The following VIPR2 variants were observed in gnomAD, a reference collection of about 807,000 sequenced individuals.
VIPR2 encodes vasoactive intestinal polypeptide receptor 2.
In VIPR2, 48 loss-of-function variants were observed where a neutral mutation model predicts 58.0. The observed-to-expected ratio is 0.83, with a 90% confidence interval of 0.66 to 1.05. VIPR2 has a LOEUF of 1.05. VIPR2 is among the 50% of genes least tolerant of loss of function. The pLI is 0.00. For missense variants in VIPR2, 534 were observed against 558.0 expected, an observed-to-expected ratio of 0.96 and a Z score of 0.43; for synonymous variants, 243 against 235.2, an observed-to-expected ratio of 1.03 and a Z score of -0.30.
At chr7:159,129,078 C>T (rs1288189514) in intron 2 of VIPR2, among the ~76,000 whole-genome samples, 1 of 152,230 alleles carries the variant, frequency 6.6e-6, no homozygotes, top group Non-Finnish European at 1.5e-5. Flanking sequence ...CCCGTCACCA[C>T]CCGCCTGGGG....
At chr7:159,119,471 G>A (rs1222283022) in intron 2 of VIPR2, among the ~76,000 whole-genome samples, 1 of 152,236 alleles carries the variant, frequency 6.6e-6, no homozygotes, top group African/African-American at 2.4e-5. Flanking sequence ...ACCTGTAGGA[G>A]CCCAGACGCA....
Position 159,131,190 on chromosome 7 carries a change from A to G in VIPR2, c.151+11256T>C, listed in dbSNP as rs147883083. Among the ~76,000 whole-genome samples, 1,172 of 152,338 alleles carry G rather than the reference A, an allele frequency of 7.7e-3. 14 individuals carry two copies. The highest frequency in any genetic ancestry group is 0.027 in the Admixed American group (409 of 15,312). On this transcript the variant is annotated intron_variant, in intron 2 of 12. Coordinates refer to ENST00000262178, the MANE Select transcript of VIPR2 (RefSeq NM_003382.5). Reference sequence around the variant, plus strand: ...TCAAACTTCAAAGAATCGACAGACCAGAGAAGAGAAAATGCTGATTTCACA... The same window carrying G: ...TCAAACTTCAAAGAATCGACAGACCGGAGAAGAGAAAATGCTGATTTCACA...
intron 2 of VIPR2, among the ~76,000 whole-genome samples, chr7:159,137,464 T>C (rs1797278211): frequency 6.6e-6 from 1 of 152,188 alleles, no homozygotes; most frequent in Non-Finnish European, 1.5e-5. Flanking sequence ...ACTGCAGCCT[T>C]GAACTGGGCT....
At chr7:159,134,818 C>T (rs533863444) in intron 2 of VIPR2, among the ~76,000 whole-genome samples, 61 of 151,794 alleles carry the variant, frequency 4.0e-4, no homozygotes, top group Middle Eastern at 3.4e-3. Context: ...CCACCACGCC[C>T]GGCTAATTTT....
chr7:159,142,330 TC>T (rs1384386437), intron 2 of VIPR2, 115 bp downstream of exon 2: 5 of 754,088 alleles, frequency 6.6e-6, no homozygotes, highest in Admixed American at 5.1e-5. Context: ...AAGTGGCCTT[TC>T]TTTTTCTTTT....
At chr7:159,123,756 A>G (rs1007662124) in intron 2 of VIPR2, among the ~76,000 whole-genome samples, 2 of 152,102 alleles carry the variant, frequency 1.3e-5, no homozygotes, top group African/African-American at 4.8e-5. Flanking sequence ...GAACTAATTT[A>G]CACTCCCTCC....
At chr7:159,144,700 G>A (rs977519344) in intron 1 of VIPR2, 21 bp downstream of exon 1, 3 of 1,330,014 alleles carry the variant, frequency 2.3e-6, no homozygotes, top group Non-Finnish European at 2.9e-6. Context: ...GCCGTGGGGC[G>A]GGGGTCGCGG....
At chr7:159,123,120 C>A (rs1208506659) in intron 2 of VIPR2, among the ~76,000 whole-genome samples, 3 of 151,876 alleles carry the variant, frequency 2.0e-5, no homozygotes, top group African/African-American at 7.3e-5. Flanking sequence ...TGGTGAAACT[C>A]TGTCTCTGCT....
At chr7:159,141,155 G>A (rs1228548853) in intron 2 of VIPR2, among the ~76,000 whole-genome samples, 3 of 152,164 alleles carry the variant, frequency 2.0e-5, no homozygotes, top group Non-Finnish European at 2.9e-5. Flanking sequence ...TGCTTCTGCC[G>A]TGGCAGACTG....
intron 2 of VIPR2, among the ~76,000 whole-genome samples, chr7:159,135,324 C>T (rs555836179): frequency 4.7e-4 from 72 of 152,000 alleles, no homozygotes; most frequent in Non-Finnish European, 9.0e-4. Flanking sequence ...CCCAGCTACT[C>T]GGGAGGCTGA....
At position 159,095,751 on chromosome 7, in the gene VIPR2, C is replaced by G. The variant is rs993868759; in HGVS notation, c.357+8006G>C. ...CTCCTGTCCAGGCTCCAAATCACAT[C>G]GACATGACAGTTGGTGCCGACCTGA... On this transcript the variant is annotated intron_variant, in intron 4 of 12. Coordinates refer to ENST00000262178, the MANE Select transcript of VIPR2 (RefSeq NM_003382.5). This position sits in a 1 kb window ranked among gnomAD's most constrained non-coding sequence, Gnocchi z 5.2. Among the ~76,000 whole-genome samples the G allele has an allele frequency of 6.6e-6, 1 of 152,122 alleles. No homozygotes were observed. The highest frequency in any genetic ancestry group is 2.1e-4 in the South Asian group (1 of 4,828).
chr7:159,076,612 CAT>C (rs755327418), intron 4 of VIPR2, among the ~76,000 whole-genome samples: 3 of 152,200 alleles, frequency 2.0e-5, no homozygotes, highest in Admixed American at 6.5e-5. Flanking sequence ...ATCTTTATGA[CAT>C]GTGTATTTTT....
chr7:159,066,224 T>C (rs2129494373), intron 4 of VIPR2, among the ~76,000 whole-genome samples: 1 of 151,856 alleles, frequency 6.6e-6, no homozygotes, highest in South Asian at 2.1e-4. Context: ...GCAGGATGCC[T>C]GCTTCCACAC....
chr7:159,061,290 T>A (rs1323754792), intron 4 of VIPR2, among the ~76,000 whole-genome samples: 1 of 147,788 alleles, frequency 6.8e-6, no homozygotes, highest in African/African-American at 2.5e-5. Flanking sequence ...CTTATCATCA[T>A]GAAATATATC....
intron 4 of VIPR2, 49 bp downstream of exon 4, chr7:159,103,708 A>C: frequency 7.2e-7 from 1 of 1,389,342 alleles, no homozygotes; most frequent in Non-Finnish European, 1.0e-6. Context: ...CTTCTGGTGC[A>C]GTGTTAGGAA....
At chr7:159,077,424 A>G (rs1303211232) in intron 4 of VIPR2, among the ~76,000 whole-genome samples, 1 of 149,642 alleles carries the variant, frequency 6.7e-6, no homozygotes, top group African/African-American at 2.5e-5. Flanking sequence ...GCCCTGTTCA[A>G]TGTCTTTGAG....
chr7:159,073,565 G>A (rs1019917157), intron 4 of VIPR2, among the ~76,000 whole-genome samples: 1 of 152,082 alleles, frequency 6.6e-6, no homozygotes, highest in Non-Finnish European at 1.5e-5. Context: ...TTACAGGTGT[G>A]TGCCACCCCA....
intron 4 of VIPR2, among the ~76,000 whole-genome samples, chr7:159,083,500 G>A (rs1563308205): frequency 6.6e-6 from 1 of 152,164 alleles, no homozygotes; most frequent in Non-Finnish European, 1.5e-5. Context: ...ATAAATATCT[G>A]CCCTGGAGTG....
intron 5 of VIPR2, among the ~76,000 whole-genome samples, chr7:159,050,289 A>G (rs1026299087): frequency 4.0e-5 from 6 of 151,756 alleles, no homozygotes; most frequent in African/African-American, 1.5e-4. Flanking sequence ...GTAAGCGGAG[A>G]TCATGCCACT....
Sources: gnomAD v4.1 joint callset for allele counts (sites outside exome capture counted in the v4.1 genomes callset) on GRCh38, gnomAD v4.1.1 for gene constraint, Gnocchi (gnomAD v3.1) non-coding constraint, MANE v1.5 for transcripts, NCBI Gene and HGNC (gene_info 2026-07-23, HGNC 2026-07-21) for gene names.